TRPC7: variants seen among roughly 807,000 people sequenced by gnomAD.
TRPC7 encodes the protein transient receptor potential cation channel subfamily C member 7.
In TRPC7, 42 loss-of-function variants were observed where a neutral mutation model predicts 90.1. That is an observed-to-expected ratio of 0.47 (90% CI 0.36 to 0.60). TRPC7 has a LOEUF of 0.60. TRPC7 is among the 20% of genes least tolerant of loss of function. The pLI is 0.00. For synonymous variants in TRPC7, 451 were observed against 436.3 expected (o/e 1.03, Z -0.42); for missense variants, 955 against 1,112.3 (o/e 0.86, Z 2.01).
chr5:136,315,985 G>T, intron 2 of TRPC7: 1 of 580,780 alleles, frequency 1.7e-6, no homozygotes, highest in Non-Finnish European at 3.0e-6. Context: ...ATTTTCTCTA[G>T]GTCAGCATGT....
intron 4 of TRPC7, among the ~76,000 whole-genome samples, chr5:136,270,908 T>C (rs1757190304): frequency 6.6e-6 from 1 of 152,226 alleles, no homozygotes; most frequent in South Asian, 2.1e-4. Flanking sequence ...TCTCCATGGC[T>C]ATGCTTCAAA....
At chr5:136,323,809 A>G (rs1433889954) in intron 2 of TRPC7, among the ~76,000 whole-genome samples, 1 of 151,912 alleles carries the variant, frequency 6.6e-6, no homozygotes, top group Non-Finnish European at 1.5e-5. Flanking sequence ...GGCTTTTCTC[A>G]TTCCTTCCCT....
chr5:136,253,022 T>TA (rs1756573615), intron 5 of TRPC7, among the ~76,000 whole-genome samples: 1 of 152,238 alleles, frequency 6.6e-6, no homozygotes, highest in South Asian at 2.1e-4. Flanking sequence ...GAAATGTGTC[T>TA]AGTTTGAGAT....
chr5:136,222,971 T>TC, intron 10 of TRPC7, among the ~76,000 whole-genome samples: 1 of 152,354 alleles, frequency 6.6e-6, no homozygotes, highest in Middle Eastern at 3.4e-3. Context: ...CAGGGTTTAC[T>TC]CCAATTGTGA....
chr5:136,217,000 C>G (rs1755288672), intron 10 of TRPC7, among the ~76,000 whole-genome samples: 1 of 152,158 alleles, frequency 6.6e-6, no homozygotes, highest in African/African-American at 2.4e-5. Context: ...TAAGAGACAC[C>G]AAGAATAGAG....
intron 10 of TRPC7, 144 bp downstream of exon 10, chr5:136,225,130 T>C (rs1011685571): frequency 1.2e-5 from 9 of 742,442 alleles, no homozygotes; most frequent in Admixed American, 8.6e-5. Context: ...GCCTGACATA[T>C]AGTAAGTACT....
intron 3 of TRPC7, among the ~76,000 whole-genome samples, chr5:136,300,882 C>G (rs983939480): frequency 3.9e-5 from 6 of 152,210 alleles, no homozygotes; most frequent in African/African-American, 1.4e-4. Flanking sequence ...CTGTTCTCAG[C>G]CTTCAGAGAT....
intron 3 of TRPC7, among the ~76,000 whole-genome samples, chr5:136,277,501 A>T (rs1554112341): frequency 6.6e-6 from 1 of 152,078 alleles, no homozygotes; most frequent in Non-Finnish European, 1.5e-5. Context: ...GTATCAAAAG[A>T]TTTTTTTCCC....
chr5:136,299,344 T>C (rs1393612676), intron 3 of TRPC7, among the ~76,000 whole-genome samples: 8 of 67,818 alleles, frequency 1.2e-4, no homozygotes, highest in South Asian at 3.6e-4. Context: ...TGTGTGCGTG[T>C]GTGTGTGTGT....
intron 2 of TRPC7, among the ~76,000 whole-genome samples, chr5:136,355,388 T>C (rs1322969733): frequency 6.6e-6 from 1 of 152,206 alleles, no homozygotes; most frequent in African/African-American, 2.4e-5. Flanking sequence ...TCTACTTCTG[T>C]GCCGTCATAT....
At chr5:136,318,194 C>T (rs1759088285) in intron 2 of TRPC7, among the ~76,000 whole-genome samples, 1 of 152,110 alleles carries the variant, frequency 6.6e-6, no homozygotes, top group Non-Finnish European at 1.5e-5. Context: ...TTGAGCCAAA[C>T]CTGAGCTCAA....
chr5:136,322,571 C>A (rs1157836216), intron 2 of TRPC7, among the ~76,000 whole-genome samples: 2 of 152,084 alleles, frequency 1.3e-5, no homozygotes, highest in African/African-American at 4.8e-5. Flanking sequence ...TTGGGTCTCA[C>A]TATATTGCCA....
At chr5:136,329,309 C>A (rs1462293046) in intron 2 of TRPC7, among the ~76,000 whole-genome samples, 1 of 152,136 alleles carries the variant, frequency 6.6e-6, no homozygotes, top group Non-Finnish European at 1.5e-5. Flanking sequence ...TTTGGGCACC[C>A]ACTGTATGCC....
chr5:136,347,990 G>C (rs1042029360), intron 2 of TRPC7, among the ~76,000 whole-genome samples: 57 of 152,242 alleles, frequency 3.7e-4, no homozygotes, highest in African/African-American at 1.3e-3. Context: ...CCTGCTGGTG[G>C]AGATGCACTA....
chr5:136,293,152 T>C (rs1263509953), intron 3 of TRPC7, among the ~76,000 whole-genome samples: 1 of 151,998 alleles, frequency 6.6e-6, no homozygotes, highest in African/African-American at 2.4e-5. Context: ...CTCAAAATCA[T>C]AAGAGCTATG....
At chr5:136,359,299 A>C (rs3756699) in intron 1 of TRPC7, among the ~76,000 whole-genome samples, 129 of 152,276 alleles carry the variant, frequency 8.5e-4, no homozygotes, top group African/African-American at 2.8e-3. Flanking sequence ...AAAAGCTCCT[A>C]AATTATATAT....
At position 136,246,950 on chromosome 5, in the gene TRPC7, C is replaced by T. The variant is rs575168291; in HGVS notation, c.1844+521G>A. Reference sequence around the variant, plus strand: ...ATTTCCCCTTGGCCCCAAGAATACTCGCCAGCATGCTTGCTGCTGCATTGT... The same window carrying T: ...ATTTCCCCTTGGCCCCAAGAATACTTGCCAGCATGCTTGCTGCTGCATTGT... On this transcript the variant is annotated intron_variant, in intron 7 of 11. Coordinates refer to ENST00000513104, the MANE Select transcript of TRPC7 (RefSeq NM_020389.3). 2.1e-3 allele frequency among the ~76,000 whole-genome samples: 325 copies of T among 152,294 alleles called. 1 individual carries two copies. The highest frequency in any genetic ancestry group is 5.0e-3 in the South Asian group (24 of 4,820).
At chr5:136,329,436 C>T (rs1054276247) in intron 2 of TRPC7, among the ~76,000 whole-genome samples, 1 of 152,046 alleles carries the variant, frequency 6.6e-6, no homozygotes, top group African/African-American at 2.4e-5. Context: ...AAGTGCCTTG[C>T]GACAGGGTTG....
intron 5 of TRPC7, among the ~76,000 whole-genome samples, chr5:136,253,246 C>A (rs1380105999): frequency 2.0e-5 from 3 of 152,084 alleles, no homozygotes; most frequent in Non-Finnish European, 2.9e-5. Context: ...TTGTTGCTTG[C>A]CCTGTATTTC....
Sources: gnomAD v4.1 joint callset for allele counts (sites outside exome capture counted in the v4.1 genomes callset) on GRCh38, gnomAD v4.1.1 for gene constraint, MANE v1.5 for transcripts, NCBI Gene and HGNC (gene_info 2026-07-23, HGNC 2026-07-21) for gene names.